The following ECH1 variants were observed in gnomAD, a reference collection of about 807,000 sequenced individuals.
The protein encoded by ECH1 is enoyl-CoA hydratase 1, also known as delta(3,5)-Delta(2,4)-dienoyl-CoA isomerase, mitochondrial.
A neutral mutation model predicts 37.0 loss-of-function variants in ECH1; 30 were observed. The observed-to-expected ratio is 0.81, with a 90% CI of 0.61 to 1.10. ECH1 has a LOEUF of 1.10. ECH1 is among the 50% of genes least tolerant of loss of function. The probability of loss-of-function intolerance (pLI) is 0.00; values close to 1 mark genes in which losing one functional copy is unlikely to be tolerated. For missense variants in ECH1, 456 were observed against 441.6 expected, an observed-to-expected ratio of 1.03 and a Z score of -0.29; for synonymous variants, 178 against 176.0, an observed-to-expected ratio of 1.01 and a Z score of -0.09.
chr19:38,821,076 C>T (rs535989689), intron 3 of ECH1, among the ~76,000 whole-genome samples: 51 of 152,200 alleles, frequency 3.4e-4, no homozygotes, highest in African/African-American at 7.9e-4. Flanking sequence ...ATCAGGGGTT[C>T]GAGACCAGCC....
intron 3 of ECH1, among the ~76,000 whole-genome samples, chr19:38,824,299 G>A (rs1971707152): frequency 6.6e-6 from 1 of 152,170 alleles, no homozygotes; most frequent in Non-Finnish European, 1.5e-5. Flanking sequence ...CCTCCATGTG[G>A]TCTGAGAGGA....
At chr19:38,823,800 CCAGA>C (rs1464138709) in intron 3 of ECH1, among the ~76,000 whole-genome samples, 1 of 152,210 alleles carries the variant, frequency 6.6e-6, no homozygotes, top group African/African-American at 2.4e-5. Context: ...CTAATGCCTG[CCAGA>C]CAAACTTCCT....
intron 1 of ECH1, 64 bp downstream of exon 1, chr19:38,831,657 G>C: frequency 6.2e-7 from 1 of 1,602,468 alleles, no homozygotes; most frequent in Non-Finnish European, 8.5e-7. Context: ...AGCCCTCCCC[G>C]TCCTACATCT....
intron 3 of ECH1, chr19:38,820,459 C>G (rs929589138): frequency 4.6e-5 from 7 of 152,146 alleles, no homozygotes; most frequent in Non-Finnish European, 8.8e-5. Context: ...GTTCCAAAAT[C>G]CCAGCTCTGC....
chr19:38,815,925 C>G lies in ECH1; in HGVS notation c.814G>C (p.Val272Leu). 1.9e-6 allele frequency: 3 copies of G among 1,614,186 alleles called. No homozygotes were observed. The South Asian group carries it at 3.3e-5, about 18-fold the overall frequency. Residue 272 changes from valine (V) to leucine (L), a missense_variant, in exon 9 of 10, where the codon GTG (valine) becomes CTG (leucine). Val to Leu is a conservative substitution (Grantham distance 32). Coordinates refer to ENST00000221418, the MANE Select transcript of ECH1 (RefSeq NM_001398.3). ...AGCAGGTTGACCTTGGTGCTCTGCA[C>G]CGCCACGGGGCTCTTGCTGGAAATC... ...AEISSKSPVA[V>L]QSTKVNLLYS... is the part of the protein sequence containing the mutation.
At chr19:38,828,893 T>C (rs1231332959) in intron 3 of ECH1, among the ~76,000 whole-genome samples, 1 of 149,564 alleles carries the variant, frequency 6.7e-6, no homozygotes, top group Non-Finnish European at 1.5e-5. Context: ...AGTGCTGGGA[T>C]TACAGGCGTG....
At chr19:38,824,951 TTC>T (rs1346600354) in intron 3 of ECH1, among the ~76,000 whole-genome samples, 1 of 152,174 alleles carries the variant, frequency 6.6e-6, no homozygotes, top group East Asian at 1.9e-4. Context: ...ACATGTCCCC[TTC>T]TCCATCTCTG....
At chr19:38,822,318 C>T (rs1825382000) in intron 3 of ECH1, among the ~76,000 whole-genome samples, 1 of 151,774 alleles carries the variant, frequency 6.6e-6, no homozygotes, top group African/African-American at 2.4e-5. Context: ...AATCAGCACT[C>T]TGTATCTAGC....
chr19:38,829,156 G>C (rs927152632), intron 3 of ECH1, among the ~76,000 whole-genome samples: 1 of 151,282 alleles, frequency 6.6e-6, no homozygotes, highest in African/African-American at 2.4e-5. Flanking sequence ...GTGGTGCCGG[G>C]TGCCTGTAAT....
At chr19:38,817,230 G>A in intron 5 of ECH1, 86 bp downstream of exon 5, 3 of 1,540,458 alleles carry the variant, frequency 1.9e-6, no homozygotes, top group Non-Finnish European at 2.6e-6. Context: ...CCATGACAGA[G>A]CTGAGGCTGG....
Position 38,815,495 on chromosome 19 carries a change from A to G in ECH1, c.*118T>C. The G allele has an allele frequency of 1.1e-6, 1 of 951,944 alleles. No homozygotes were observed. The highest frequency in any genetic ancestry group is 1.6e-6 in the Non-Finnish European group (1 of 615,400). 59.0% of individuals were successfully genotyped at this position (951,944 alleles called of 1,614,324 possible). A position where few individuals can be genotyped will look rare whatever the true frequency, so the allele number is the denominator to read the frequency against. Reference sequence around the variant, plus strand: ...TTGAGAAACTCATTGTCATAAAGTTATAAACTGGGAAACTGGGTCAGAAGG... The same window carrying G: ...TTGAGAAACTCATTGTCATAAAGTTGTAAACTGGGAAACTGGGTCAGAAGG... On this transcript the variant is annotated 3_prime_UTR_variant, in exon 10 of 10. Coordinates refer to ENST00000221418, the MANE Select transcript of ECH1 (RefSeq NM_001398.3).
chr19:38,827,335 A>G (rs867656222), intron 3 of ECH1, among the ~76,000 whole-genome samples: 1 of 152,206 alleles, frequency 6.6e-6, no homozygotes, highest in Non-Finnish European at 1.5e-5. Context: ...CTTCTGGTTC[A>G]GTCCTAAAGG....
At chr19:38,826,033 C>T (rs1309758250) in intron 3 of ECH1, among the ~76,000 whole-genome samples, 4 of 152,212 alleles carry the variant, frequency 2.6e-5, no homozygotes, top group African/African-American at 9.6e-5. Context: ...CTGTCCTGGA[C>T]GACTGTCCTC....
chr19:38,831,546 C>A, intron 1 of ECH1, 30 bp from the exon 2 acceptor site: 1 of 1,596,992 alleles, frequency 6.3e-7, no homozygotes, highest in Non-Finnish European at 8.6e-7. Context: ...CTTTGATGAC[C>A]CCAGACTGCA....
At chr19:38,815,802 G>A (rs1971564502) in intron 9 of ECH1, 55 bp downstream of exon 9, 2 of 1,613,060 alleles carry the variant, frequency 1.2e-6, no homozygotes, top group South Asian at 1.1e-5. Flanking sequence ...CCTGCACCCT[G>A]GTTGGTCGCC....
In ECH1 at chr19:38,830,763, AG is replaced by A. The variant is rs537844686; in HGVS notation, c.349+314del. On this transcript the variant is annotated intron_variant, in intron 3 of 9. Transcript: ENST00000221418. ...GCTGAGGCAGGCAGATCATAACGTC[AG>A]GAGATGGAGACCATCCTGGCCAATA... 4.8e-3 allele frequency: 1,585 copies of A among 328,518 alleles called. 21 individuals are homozygous for A. The highest frequency in any genetic ancestry group is 0.032 in the African/African-American group (1,439 of 45,680). 20.4% of individuals were successfully genotyped at this position (328,518 alleles called of 1,614,324 possible).
chr19:38,828,378 T>C (rs4499346), intron 3 of ECH1, among the ~76,000 whole-genome samples: 29,859 of 151,186 alleles, frequency 0.2, 3,648 homozygotes, highest in African/African-American at 0.35. Context: ...ATTACAGGCA[T>C]GCACCACCAC....
intron 3 of ECH1, among the ~76,000 whole-genome samples, chr19:38,825,624 G>A (rs957556393): frequency 1.3e-5 from 2 of 152,210 alleles, no homozygotes; most frequent in Non-Finnish European, 2.9e-5. Flanking sequence ...AAGGAAAAGT[G>A]AGATTGGAGA....
chr19:38,828,857 G>A (rs552492813), intron 3 of ECH1, among the ~76,000 whole-genome samples: 27 of 151,210 alleles, frequency 1.8e-4, no homozygotes, highest in Non-Finnish European at 3.5e-4. Context: ...TCCTGACCTC[G>A]TGATCCGCCT....
Sources: allele counts gnomAD v4.1 joint callset (sites outside exome capture counted in the v4.1 genomes callset), GRCh38; gene constraint gnomAD v4.1.1; transcripts MANE v1.5; gene names NCBI Gene and HGNC (gene_info 2026-07-23, HGNC 2026-07-21).